The following MB21D2 variants were observed in gnomAD, a reference collection of about 807,000 sequenced individuals.
The protein encoded by MB21D2 is nucleotidyltransferase MB21D2.
MB21D2 carries 9 observed loss-of-function variants against 33.3 expected under a neutral mutation model. The observed-to-expected ratio is 0.27, with a 90% CI of 0.16 to 0.47. MB21D2 has a LOEUF of 0.47. Ranked by LOEUF, MB21D2 falls within the 20% of genes least tolerant of loss-of-function variation. The pLI is 0.99. For missense variants in MB21D2, 540 were observed against 624.6 expected, an observed-to-expected ratio of 0.86 and a Z score of 1.44; for synonymous variants, 241 against 236.3, an observed-to-expected ratio of 1.02 and a Z score of -0.18.
chr3:192,916,928 G>A (rs1038030355), intron 1 of MB21D2, among the ~76,000 whole-genome samples: 1 of 152,198 alleles, frequency 6.6e-6, no homozygotes, highest in African/African-American at 2.4e-5. Context: ...GCCTAGTCAC[G>A]GAAGAGCTGG....
At chr3:192,807,745 T>C (rs1178709936) in intron 1 of MB21D2, among the ~76,000 whole-genome samples, 2 of 152,110 alleles carry the variant, frequency 1.3e-5, no homozygotes, top group Non-Finnish European at 2.9e-5. Flanking sequence ...GAGCGTCTCC[T>C]ATGAGCCAGT....
At position 192,917,779 on chromosome 3, in the gene MB21D2, G is replaced by C. The variant is rs1054385758; in HGVS notation, c.62C>G (p.Ala21Gly). 2 of 1,613,760 alleles carry C rather than the reference G, an allele frequency of 1.2e-6. No homozygotes were observed. Among genetic ancestry groups the C allele is most frequent in the African/African-American group, 2.7e-5 (2 of 75,052 alleles). Reference sequence around the variant, plus strand: ...CGACCTGAAATCCAGCTCCGGGAACGCAGGCTTGTTGTTACAGCCCAGGGA... The same window carrying C: ...CGACCTGAAATCCAGCTCCGGGAACCCAGGCTTGTTGTTACAGCCCAGGGA... The part of the protein sequence containing the change: ...AASLGCNNKP[A>G]FPELDFRSGA... Residue 21 changes from alanine to glycine, a missense_variant, in exon 1 of 2, where the codon GCG becomes GGG. Transcript: ENST00000392452.
intron 1 of MB21D2, among the ~76,000 whole-genome samples, chr3:192,818,077 A>G (rs1476774087): frequency 1.3e-5 from 2 of 151,466 alleles, no homozygotes; most frequent in African/African-American, 4.9e-5. Flanking sequence ...AATTCTACCC[A>G]CCTAAAAGCT....
At chr3:192,858,056 T>C (rs1207522483) in intron 1 of MB21D2, among the ~76,000 whole-genome samples, 1 of 151,978 alleles carries the variant, frequency 6.6e-6, no homozygotes, top group East Asian at 1.9e-4. Flanking sequence ...ACCCAGGAGA[T>C]GGAGGTTGCG....
At position 192,798,375 on chromosome 3, in the gene MB21D2, T is replaced by G. The variant is rs535796729; in HGVS notation, c.*11A>C. 21 of 1,601,374 alleles carry G rather than the reference T, an allele frequency of 1.3e-5. No individual in the cohort carries two copies. The South Asian group carries it at 1.6e-4, about 12-fold the overall frequency. On this transcript the variant is annotated 3_prime_UTR_variant, in exon 2 of 2. Coordinates refer to ENST00000392452, the MANE Select transcript of MB21D2 (RefSeq NM_178496.4). The surrounding 1 kb of genome is among the most constrained non-coding windows in gnomAD (Gnocchi z 4.8). The stretch of plus-strand genomic sequence containing the variant: ...GTTTAAGAATCAGGAAAAAAAAAAG[T>G]CAGCTAACACTCAGAAAAATTTGTC...
chr3:192,808,823 T>C (rs1480222514), intron 1 of MB21D2, among the ~76,000 whole-genome samples: 1 of 152,234 alleles, frequency 6.6e-6, no homozygotes, highest in Non-Finnish European at 1.5e-5. Context: ...GCCTACTCTA[T>C]GTCATTTGTA....
At chr3:192,862,629 T>C (rs1405270632) in intron 1 of MB21D2, among the ~76,000 whole-genome samples, 1 of 152,164 alleles carries the variant, frequency 6.6e-6, no homozygotes, top group Non-Finnish European at 1.5e-5. Flanking sequence ...CTCCTTTAAC[T>C]GTGAGTAACA....
At chr3:192,880,737 G>A (rs1387759677) in intron 1 of MB21D2, among the ~76,000 whole-genome samples, 1 of 152,156 alleles carries the variant, frequency 6.6e-6, no homozygotes, top group African/African-American at 2.4e-5. Flanking sequence ...CATCTCTGCA[G>A]TTAGCACATC....
chr3:192,890,345 T>C (rs1303475755), intron 1 of MB21D2, among the ~76,000 whole-genome samples: 1 of 152,068 alleles, frequency 6.6e-6, no homozygotes, highest in Non-Finnish European at 1.5e-5. Context: ...TTTCCTGGTA[T>C]TTTCAAGGCA....
chr3:192,886,824 A>G lies in MB21D2; in HGVS notation c.211+30806T>C, dbSNP rs191581171. ...CAGTACCTTTTTACCTAAAATAACG[A>G]AAGAGTAAATATCTTGCCTGATTCT... On this transcript the variant is annotated intron_variant, in intron 1 of 1. Coordinates refer to ENST00000392452, the MANE Select transcript of MB21D2 (RefSeq NM_178496.4). Among the ~76,000 whole-genome samples, 172 of 152,242 alleles carry G rather than the reference A, an allele frequency of 1.1e-3. 3 individuals carry two copies. The highest frequency in any genetic ancestry group is 6.8e-3 in the Middle Eastern group (2 of 294).
intron 1 of MB21D2, among the ~76,000 whole-genome samples, chr3:192,815,203 C>A (rs917548998): frequency 6.6e-6 from 1 of 152,202 alleles, no homozygotes; most frequent in East Asian, 1.9e-4. Flanking sequence ...TTGGAGCTTA[C>A]TGGAGCCAGA....
At chr3:192,806,936 G>A (rs1293422630) in intron 1 of MB21D2, among the ~76,000 whole-genome samples, 1 of 152,054 alleles carries the variant, frequency 6.6e-6, no homozygotes, top group Non-Finnish European at 1.5e-5. Context: ...AACCACTGTG[G>A]GCCTTGGTTT....
intron 1 of MB21D2, among the ~76,000 whole-genome samples, chr3:192,823,847 A>C (rs1712111229): frequency 2.6e-5 from 4 of 152,234 alleles, no homozygotes; most frequent in African/African-American, 9.6e-5. Context: ...GAGTAAAAAA[A>C]AAATTTAAAC....
At chr3:192,912,054 C>G (rs1038680280) in intron 1 of MB21D2, among the ~76,000 whole-genome samples, 1 of 152,188 alleles carries the variant, frequency 6.6e-6, no homozygotes, top group Non-Finnish European at 1.5e-5. Context: ...ATTACCCACT[C>G]TGGAGATGTA....
At chr3:192,894,141 G>C (rs1173449083) in intron 1 of MB21D2, among the ~76,000 whole-genome samples, 1 of 151,810 alleles carries the variant, frequency 6.6e-6, no homozygotes, top group Non-Finnish European at 1.5e-5. Flanking sequence ...GTGTTGTTTT[G>C]TTTTTGAGAC....
At chr3:192,851,488 T>G (rs973772753) in intron 1 of MB21D2, among the ~76,000 whole-genome samples, 1 of 134,444 alleles carries the variant, frequency 7.4e-6, no homozygotes, top group East Asian at 2.3e-4. Context: ...TTTTTTTTTG[T>G]CTGTTTTTTT....
intron 1 of MB21D2, among the ~76,000 whole-genome samples, chr3:192,820,241 T>G (rs1712014392): frequency 6.6e-6 from 1 of 152,104 alleles, no homozygotes; most frequent in African/African-American, 2.4e-5. Context: ...CAGACAGATT[T>G]CTCTAAAATT....
At chr3:192,819,486 G>T (rs1350757590) in intron 1 of MB21D2, among the ~76,000 whole-genome samples, 1 of 152,154 alleles carries the variant, frequency 6.6e-6, no homozygotes, top group Admixed American at 6.5e-5. Flanking sequence ...AGCAGAACCT[G>T]GGCCTCCCAC....
intron 1 of MB21D2, among the ~76,000 whole-genome samples, chr3:192,845,556 T>C (rs1410996929): frequency 6.6e-6 from 1 of 152,198 alleles, no homozygotes; most frequent in African/African-American, 2.4e-5. Context: ...CCAGCTCTGC[T>C]CCTTAGCCCA....
Sources: gnomAD v4.1 joint callset for allele counts (sites outside exome capture counted in the v4.1 genomes callset) on GRCh38, gnomAD v4.1.1 for gene constraint, Gnocchi (gnomAD v3.1) non-coding constraint, MANE v1.5 for transcripts, NCBI Gene and HGNC (gene_info 2026-07-23, HGNC 2026-07-21) for gene names.